The following NFATC3 variants were observed in gnomAD, a reference collection of about 807,000 sequenced individuals.
NFATC3 encodes nuclear factor of activated T-cells, cytoplasmic 3.
In NFATC3, 46 loss-of-function variants were observed where a neutral mutation model predicts 98.6. The observed-to-expected ratio is 0.47, with a 90% CI of 0.37 to 0.60. The LOEUF (loss-of-function observed/expected upper bound fraction) is 0.60, where lower values mean the gene tolerates loss of function less well. NFATC3 is among the 20% of genes least tolerant of loss of function. NFATC3 has a pLI of 0.00. For synonymous variants in NFATC3, 512 were observed against 472.2 expected (o/e 1.08, Z -1.09); for missense variants, 1,256 against 1,295.5 (o/e 0.97, Z 0.47).
intron 1 of NFATC3, among the ~76,000 whole-genome samples, chr16:68,112,435 G>A (rs983474508): frequency 4.6e-5 from 7 of 150,926 alleles, no homozygotes; most frequent in Admixed American, 2.0e-4. Context: ...ACACCACCAC[G>A]CCTGGCTGAT....
At chr16:68,125,146 A>T (rs1433580043) in intron 2 of NFATC3, among the ~76,000 whole-genome samples, 1 of 152,136 alleles carries the variant, frequency 6.6e-6, no homozygotes, top group Non-Finnish European at 1.5e-5. Context: ...ATTTATCTTA[A>T]TTTTTCTAGT....
At chr16:68,140,061 A>G (rs990335429) in intron 3 of NFATC3, among the ~76,000 whole-genome samples, 6 of 152,138 alleles carry the variant, frequency 3.9e-5, no homozygotes, top group South Asian at 2.1e-4. Context: ...CAGTCGTGCA[A>G]TCTTGGCTCA....
chr16:68,207,559 G>A (rs914885143), intron 9 of NFATC3, among the ~76,000 whole-genome samples: 1 of 152,180 alleles, frequency 6.6e-6, no homozygotes, highest in African/African-American at 2.4e-5. Context: ...TGCCTCCTGG[G>A]TTGAAGCGAT....
intron 3 of NFATC3, among the ~76,000 whole-genome samples, chr16:68,136,192 G>C (rs527730117): frequency 6.6e-6 from 1 of 152,216 alleles, no homozygotes; most frequent in South Asian, 2.1e-4. Context: ...TTGTAGGTTC[G>C]TGCTGCTATT....
At chr16:68,183,937 T>G (rs1220633632) in intron 8 of NFATC3, among the ~76,000 whole-genome samples, 1 of 130,304 alleles carries the variant, frequency 7.7e-6, no homozygotes, top group Non-Finnish European at 1.5e-5. Context: ...AACCCAGGAG[T>G]GGAGGTTGCG....
chr16:68,171,108 A>G (rs894337630), intron 5 of NFATC3, among the ~76,000 whole-genome samples: 2 of 152,034 alleles, frequency 1.3e-5, no homozygotes, highest in Non-Finnish European at 2.9e-5. Context: ...CCTGGGTTCA[A>G]ACAATTCCCC....
chr16:68,087,096 A>G (rs561519362), intron 1 of NFATC3, among the ~76,000 whole-genome samples: 1 of 152,340 alleles, frequency 6.6e-6, no homozygotes, highest in East Asian at 1.9e-4. Context: ...GAAACAGGAA[A>G]AGTGGCATTT....
rs180763716 is a variant in NFATC3 at position 68,107,701 on chromosome 16, C to T, written c.104-14286C>T. Among the ~76,000 whole-genome samples, 23 of 151,888 alleles carry T rather than the reference C, an allele frequency of 1.5e-4. No homozygotes were observed. In the East Asian group the frequency reaches 2.3e-3, roughly 15 times the overall value. Reference sequence around the variant, plus strand: ...TCATGCCACTGCACTCCAGCCTAGGCGACAGAGTGAGACACTGTATCAAAA... The same window carrying T: ...TCATGCCACTGCACTCCAGCCTAGGTGACAGAGTGAGACACTGTATCAAAA... On this transcript the variant is annotated intron_variant, in intron 1 of 9. Coordinates refer to ENST00000346183, the MANE Select transcript of NFATC3 (RefSeq NM_173165.3).
chr16:68,171,874 C>T (rs1307798155), intron 5 of NFATC3, among the ~76,000 whole-genome samples: 22 of 152,128 alleles, frequency 1.4e-4, no homozygotes, highest in Admixed American at 1.2e-3. Flanking sequence ...CTGCAACCTC[C>T]GCCTCCTGGG....
intron 9 of NFATC3, among the ~76,000 whole-genome samples, chr16:68,219,045 A>T (rs953412732): frequency 3.3e-5 from 5 of 150,788 alleles, no homozygotes; most frequent in Admixed American, 6.7e-5. Flanking sequence ...GAAGTTCGAG[A>T]CCAGCCTGGG....
chr16:68,196,567 C>T (rs1237626593), intron 9 of NFATC3, among the ~76,000 whole-genome samples: 5 of 152,058 alleles, frequency 3.3e-5, no homozygotes, highest in East Asian at 1.9e-4. Flanking sequence ...GTGGTGGGAG[C>T]TTGTAATCCC....
chr16:68,176,122 C>T (rs1406225493), intron 6 of NFATC3, among the ~76,000 whole-genome samples: 2 of 152,182 alleles, frequency 1.3e-5, no homozygotes, highest in East Asian at 1.9e-4. Flanking sequence ...GGATTACAGG[C>T]GCCCACCACC....
chr16:68,198,764 C>T (rs1473027436), intron 9 of NFATC3, among the ~76,000 whole-genome samples: 1 of 152,050 alleles, frequency 6.6e-6, no homozygotes, highest in Non-Finnish European at 1.5e-5. Flanking sequence ...ATTAGCTGAG[C>T]ATAGCTGGGC....
At chr16:68,114,403 A>G (rs757775930) in intron 1 of NFATC3, among the ~76,000 whole-genome samples, 1 of 151,886 alleles carries the variant, frequency 6.6e-6, no homozygotes, top group Non-Finnish European at 1.5e-5. Flanking sequence ...TCCTGCCTAA[A>G]CTAGTGTTTT....
chr16:68,160,051 C>T (rs897321445), intron 4 of NFATC3, among the ~76,000 whole-genome samples: 10 of 151,658 alleles, frequency 6.6e-5, no homozygotes, highest in Admixed American at 5.9e-4. Flanking sequence ...GCATCAAGAG[C>T]GAAACTCCGA....
intron 9 of NFATC3, among the ~76,000 whole-genome samples, chr16:68,219,712 A>G (rs1267934071): frequency 6.6e-6 from 1 of 152,268 alleles, no homozygotes; most frequent in Non-Finnish European, 1.5e-5. Context: ...AAGAGGAAAT[A>G]ACATATAAAT....
At chr16:68,091,743 G>T (rs950274210) in intron 1 of NFATC3, among the ~76,000 whole-genome samples, 1 of 152,220 alleles carries the variant, frequency 6.6e-6, no homozygotes, top group Non-Finnish European at 1.5e-5. Flanking sequence ...TTTGCTCACA[G>T]CAGTAACATA....
chr16:68,105,620 T>G (rs1458456078), intron 1 of NFATC3, among the ~76,000 whole-genome samples: 1 of 152,090 alleles, frequency 6.6e-6, no homozygotes, highest in Non-Finnish European at 1.5e-5. Context: ...CCTCATAGAA[T>G]GTGTTAGGAA....
chr16:68,122,325 CAT>C lies in NFATC3; in HGVS notation c.443_444del (p.His148ProfsTer6). 1 of 1,614,104 alleles carries C rather than the reference CAT, an allele frequency of 6.2e-7. No homozygotes were observed. The highest frequency in any genetic ancestry group is 8.5e-7 in the Non-Finnish European group (1 of 1,179,984). The stretch of plus-strand genomic sequence containing the variant: ...ATTTTTGGAAAGGCCTTCTAGAGAT[CAT>C]CTCTATCTTCCTCTTGAGCCATCCT... The part of the protein sequence containing the change: ...REFLERPSRD[H>X]LYLPLEPSYR... On this transcript the variant is annotated frameshift_variant, in exon 2 of 10. Coordinates refer to ENST00000346183, the MANE Select transcript of NFATC3 (RefSeq NM_173165.3). LOFTEE classifies it high-confidence loss of function.
Sources: gnomAD v4.1 joint callset for allele counts (sites outside exome capture counted in the v4.1 genomes callset) on GRCh38, gnomAD v4.1.1 for gene constraint, MANE v1.5 for transcripts, NCBI Gene and HGNC (gene_info 2026-07-23, HGNC 2026-07-21) for gene names.